Variants in NPIPA6 observed in about 807,000 individuals in gnomAD.
NPIPA6 encodes nuclear pore complex-interacting protein family member A6.
chr16:16,343,713 TTGTGTGTG>T, the NPIPA6 span, among the ~76,000 whole-genome samples: 20 of 81,578 alleles, frequency 2.5e-4, no homozygotes, highest in African/African-American at 4.5e-4. Context: ...TTCTTGTGTG[TTGTGTGTG>T]TGTGTGTGTG....
chr16:16,338,358 C>A, the NPIPA6 span, among the ~76,000 whole-genome samples: 1 of 114,126 alleles, frequency 8.8e-6, no homozygotes, highest in East Asian at 3.0e-4. Flanking sequence ...CTATTCATGC[C>A]ATTTTCATGA....
chr16:16,337,250 A>G, the NPIPA6 span: 1 of 164,646 alleles, frequency 6.1e-6, no homozygotes, highest in Non-Finnish European at 1.1e-5. Context: ...TTTAAGACAG[A>G]GTCTCATTCT....
chr16:16,337,818 G>C, the NPIPA6 span, among the ~76,000 whole-genome samples: 5 of 130,312 alleles, frequency 3.8e-5, no homozygotes, highest in African/African-American at 1.5e-4. Flanking sequence ...GGCTGGTTTT[G>C]AACTCCCGAC....
At chr16:16,337,279 C>T in the NPIPA6 span, 1 of 134,552 alleles carries the variant, frequency 7.4e-6, no homozygotes, top group Non-Finnish European at 1.4e-5. Flanking sequence ...GGCTGGAGTG[C>T]AGTGGCAAGA....
At chr16:16,338,739 CTCT>C in the NPIPA6 span, among the ~76,000 whole-genome samples, 4 of 113,150 alleles carry the variant, frequency 3.5e-5, no homozygotes, top group Non-Finnish European at 5.9e-5. Flanking sequence ...ATGAAGTAAT[CTCT>C]TCATTGTATT....
At chr16:16,337,248 A>T in the NPIPA6 span, 1 of 172,526 alleles carries the variant, frequency 5.8e-6, no homozygotes, top group Non-Finnish European at 1.1e-5. Flanking sequence ...TTTTTAAGAC[A>T]GAGTCTCATT....
the NPIPA6 span, among the ~76,000 whole-genome samples, chr16:16,343,396 A>ATAT: frequency 5.2e-4 from 17 of 32,480 alleles, no homozygotes; most frequent in South Asian, 1.3e-3. Flanking sequence ...TGGCCTATAT[A>ATAT]TTTTTTTTTT....
the NPIPA6 span, among the ~76,000 whole-genome samples, chr16:16,337,226 C>CTTT: frequency 9.3e-6 from 1 of 108,000 alleles, no homozygotes; most frequent in African/African-American, 4.4e-5. Flanking sequence ...GGTTTGATGA[C>CTTT]TTTTTTTTTT....
the NPIPA6 span, among the ~76,000 whole-genome samples, chr16:16,337,793 T>C: frequency 2.3e-5 from 3 of 132,982 alleles, no homozygotes; most frequent in Non-Finnish European, 4.8e-5. Flanking sequence ...AGATAGGGTT[T>C]CTCCATGTTG....
the NPIPA6 span, among the ~76,000 whole-genome samples, chr16:16,343,244 C>T: frequency 6.9e-6 from 1 of 145,886 alleles, no homozygotes; most frequent in Non-Finnish European, 1.5e-5. Flanking sequence ...AGGCGTGCGC[C>T]ACCATGCTCA....
At chr16:16,334,139 GC>G in the NPIPA6 span, 1 of 904,714 alleles carries the variant, frequency 1.1e-6, no homozygotes, top group Non-Finnish European at 1.6e-6. Flanking sequence ...GCGAGGGAAC[GC>G]CCAGTTGGCC....
At chr16:16,336,620 G>A in the NPIPA6 span, 4,513 of 184,102 alleles carry the variant, frequency 0.025, 90 homozygotes, top group Non-Finnish European at 0.031. Flanking sequence ...CCCGGTCCCC[G>A]TCCCCTTCCC....
At chr16:16,337,841 GC>G in the NPIPA6 span, among the ~76,000 whole-genome samples, 1 of 111,524 alleles carries the variant, frequency 9.0e-6, no homozygotes, top group Admixed American at 9.0e-5. Context: ...CAGGTGATCC[GC>G]CTGCCTCGGC....
the NPIPA6 span, among the ~76,000 whole-genome samples, chr16:16,343,109 T>G: frequency 7.4e-6 from 1 of 135,284 alleles, no homozygotes; most frequent in Admixed American, 7.5e-5. Context: ...TTTTTTTTTT[T>G]TTGAGACGGA....
At chr16:16,333,400 TAA>T in the NPIPA6 span, among the ~76,000 whole-genome samples, 6 of 72,426 alleles carry the variant, frequency 8.3e-5, no homozygotes, top group Admixed American at 1.3e-4. Flanking sequence ...AGACTCCATC[TAA>T]AAAAAAAAAA....
chr16:16,344,409 C>T, the NPIPA6 span: 1 of 3,140 alleles, frequency 3.2e-4, no homozygotes, highest in Admixed American at 1.4e-3. Flanking sequence ...AAAAGTCAAC[C>T]GTCATGACAA....
the NPIPA6 span, among the ~76,000 whole-genome samples, chr16:16,343,397 T>TATATA: frequency 3.1e-4 from 4 of 12,966 alleles, no homozygotes; most frequent in African/African-American, 9.1e-4. Flanking sequence ...GGCCTATATA[T>TATATA]TTTTTTTTTT....
the NPIPA6 span, among the ~76,000 whole-genome samples, chr16:16,343,063 C>A: frequency 9.9e-6 from 1 of 101,168 alleles, no homozygotes; most frequent in South Asian, 4.0e-4. Flanking sequence ...TTGAAGTGTA[C>A]AGTTCAGTTG....
chr16:16,338,353 C>G, the NPIPA6 span, among the ~76,000 whole-genome samples: 2 of 110,656 alleles, frequency 1.8e-5, no homozygotes, highest in Admixed American at 1.8e-4. Context: ...CCACGCTATT[C>G]ATGCCATTTT....
Sources: gnomAD v4.1 joint callset for allele counts (sites outside exome capture counted in the v4.1 genomes callset) on GRCh38, gnomAD v4.1.1 for gene constraint, MANE v1.5 for transcripts, NCBI Gene and HGNC (gene_info 2026-07-23, HGNC 2026-07-21) for gene names.